Variants in TAF4 observed in about 807,000 individuals in gnomAD.
TAF4 encodes the protein transcription initiation factor TFIID subunit 4.
A neutral mutation model predicts 90.3 loss-of-function variants in TAF4; 9 were observed. That is an observed-to-expected ratio of 0.10 (90% confidence interval 0.06 to 0.17). TAF4 has a LOEUF of 0.17. TAF4 is among the 10% of genes least tolerant of loss of function. The pLI is 1.00. For missense variants in TAF4, 1,351 were observed against 1,370.7 expected, an observed-to-expected ratio of 0.99 and a Z score of 0.23; for synonymous variants, 818 against 638.9, an observed-to-expected ratio of 1.28 and a Z score of -4.23.
intron 1 of TAF4, among the ~76,000 whole-genome samples, chr20:62,041,627 T>C (rs1448622625): frequency 1.3e-5 from 2 of 149,886 alleles, no homozygotes; most frequent in Non-Finnish European, 3.0e-5. Context: ...AGAATCCATC[T>C]CAAAAAAAAA....
chr20:61,997,716 TTTAC>T, intron 13 of TAF4, 47 bp from the exon 14 acceptor site: 1 of 1,577,790 alleles, frequency 6.3e-7, no homozygotes, highest in Non-Finnish European at 8.6e-7. Context: ...TTGCATGTTT[TTTAC>T]TTACTACAAA....
At chr20:62,036,063 GC>G (rs1196957851) in intron 1 of TAF4, among the ~76,000 whole-genome samples, 1 of 147,710 alleles carries the variant, frequency 6.8e-6, no homozygotes, top group Non-Finnish European at 1.5e-5. Context: ...TGCTCTTGTT[GC>G]CCTGCCTCGA....
intron 14 of TAF4, chr20:61,979,290 T>TGGTCATG (rs2055519431): frequency 6.6e-6 from 1 of 152,626 alleles, no homozygotes; most frequent in Non-Finnish European, 1.5e-5. Context: ...AGGCAGGGAC[T>TGGTCATG]GGTCATGGAG....
chr20:62,060,485 A>G (rs1193168755), intron 1 of TAF4, among the ~76,000 whole-genome samples: 2 of 152,056 alleles, frequency 1.3e-5, no homozygotes, highest in Non-Finnish European at 2.9e-5. Flanking sequence ...GTCCATCCCA[A>G]CCTGTCACCA....
intron 1 of TAF4, among the ~76,000 whole-genome samples, chr20:62,062,728 C>T (rs936017824): frequency 6.6e-6 from 1 of 152,180 alleles, no homozygotes; most frequent in Non-Finnish European, 1.5e-5. Context: ...ATGATAAACA[C>T]AGCAGAGATG....
intron 1 of TAF4, among the ~76,000 whole-genome samples, chr20:62,028,031 G>A (rs1306397564): frequency 6.6e-6 from 1 of 152,222 alleles, no homozygotes; most frequent in Non-Finnish European, 1.5e-5. Flanking sequence ...TAAGCCATCT[G>A]ATTGCTCACA....
chr20:61,997,636 G>T lies in TAF4; in HGVS notation c.3004C>A (p.Arg1002=), dbSNP rs1251689990. ...QQQELAQMRQ[R]DANLTALAAI... ...GCTAGTGCTGTGAGGTTGGCGTCCC[G>T]CTGTCTCATTTGTGCCAGTTCCTGT... The change falls in exon 14 of 15, where the codon CGG becomes AGG. Residue 1002 remains arginine (R), a synonymous_variant. Transcript: ENST00000252996. 1.2e-6 allele frequency: 2 copies of T among 1,612,886 alleles called. No individual in the cohort carries two copies.
intron 1 of TAF4, among the ~76,000 whole-genome samples, chr20:62,051,647 C>T (rs891761911): frequency 1.2e-4 from 19 of 152,040 alleles, no homozygotes; most frequent in African/African-American, 3.4e-4. Context: ...CCCATCCGCT[C>T]GGTGACCCCC....
intron 14 of TAF4, among the ~76,000 whole-genome samples, chr20:61,990,528 G>A (rs1230978681): frequency 6.6e-6 from 1 of 152,176 alleles, no homozygotes; most frequent in East Asian, 1.9e-4. Flanking sequence ...GGACGCTGCA[G>A]AACTGGACCC....
chr20:62,063,067 C>A (rs540529404), intron 1 of TAF4, among the ~76,000 whole-genome samples: 3 of 152,316 alleles, frequency 2.0e-5, no homozygotes, highest in East Asian at 1.9e-4. Flanking sequence ...TGGCAAAACA[C>A]CCCTACAAAC....
intron 14 of TAF4, among the ~76,000 whole-genome samples, chr20:61,982,075 C>A (rs55940490): frequency 1.2e-4 from 9 of 75,870 alleles, no homozygotes; most frequent in South Asian, 5.7e-4. Flanking sequence ...ACACCCCACC[C>A]GAGAGGAGAC....
intron 1 of TAF4, among the ~76,000 whole-genome samples, chr20:62,036,111 G>A (rs1219923464): frequency 1.3e-5 from 2 of 150,800 alleles, no homozygotes; most frequent in Non-Finnish European, 2.9e-5. Flanking sequence ...GCAACCTCCC[G>A]CTCACGGGTT....
At chr20:62,060,829 T>A (rs1214572874) in intron 1 of TAF4, among the ~76,000 whole-genome samples, 7 of 152,068 alleles carry the variant, frequency 4.6e-5, no homozygotes, top group Non-Finnish European at 8.8e-5. Flanking sequence ...ACTTCCCCAT[T>A]GACAGAACCA....
At chr20:62,018,251 G>T (rs192669489) in intron 1 of TAF4, among the ~76,000 whole-genome samples, 27 of 152,326 alleles carry the variant, frequency 1.8e-4, no homozygotes, top group African/African-American at 5.3e-4. Flanking sequence ...ATCACAGCCT[G>T]ACTGTACCAA....
At chr20:62,049,995 A>G (rs2056017336) in intron 1 of TAF4, among the ~76,000 whole-genome samples, 1 of 152,070 alleles carries the variant, frequency 6.6e-6, no homozygotes, top group African/African-American at 2.4e-5. Context: ...GCCTGTCCCC[A>G]AGGCAGGGAG....
At chr20:62,015,407 T>C (rs1299966814) in intron 1 of TAF4, among the ~76,000 whole-genome samples, 2 of 152,220 alleles carry the variant, frequency 1.3e-5, no homozygotes, top group East Asian at 1.9e-4. Flanking sequence ...ACCAGTTATA[T>C]CATAAATTCC....
chr20:61,985,363 G>T (rs911256163), intron 14 of TAF4, among the ~76,000 whole-genome samples: 1 of 151,950 alleles, frequency 6.6e-6, no homozygotes. Flanking sequence ...AGGATTGCTG[G>T]AGTCTAGGAG....
intron 12 of TAF4, 115 bp downstream of exon 12, chr20:61,998,868 A>G (rs2055680025): frequency 4.2e-6 from 6 of 1,416,250 alleles, no homozygotes; most frequent in Non-Finnish European, 5.7e-6. Context: ...CCTTTGCTTC[A>G]AGGCCAGCCC....
rs764311182 is a variant in TAF4, at chr20:62,006,802, C to A, written c.1975-44G>T. 7.0e-7 allele frequency: 1 copy of A among 1,419,014 alleles called. No homozygotes were observed. The highest frequency in any genetic ancestry group is 1.5e-5 in the African/African-American group (1 of 67,798). 87.9% of individuals were successfully genotyped at this position (1,419,014 alleles called of 1,614,324 possible). A position where few individuals can be genotyped will look rare whatever the true frequency, so the allele number is the denominator to read the frequency against. The stretch of plus-strand genomic sequence containing the variant: ...ACGAGGGGTCAGGCGGCTGCTCATG[C>A]GTCGGTTTTCCTTGCTTAAAAATTC... On this transcript the variant is annotated intron_variant, in intron 6 of 14. Coordinates refer to ENST00000252996, the MANE Select transcript of TAF4 (RefSeq NM_003185.4). This position sits in a 1 kb window ranked among gnomAD's most constrained non-coding sequence, Gnocchi z 7.0.
Sources: allele counts gnomAD v4.1 joint callset (sites outside exome capture counted in the v4.1 genomes callset), GRCh38; gene constraint gnomAD v4.1.1; non-coding constraint Gnocchi (gnomAD v3.1); transcripts MANE v1.5; gene names NCBI Gene and HGNC (gene_info 2026-07-23, HGNC 2026-07-21).